Variants in HLCS observed in about 807,000 individuals in gnomAD.
HLCS encodes the protein biotin--protein ligase.
In HLCS, 53 loss-of-function variants were observed where a neutral mutation model predicts 75.0. The observed-to-expected ratio is 0.71, with a 90% CI of 0.57 to 0.89. HLCS has a LOEUF of 0.89. Among genes scored for constraint, HLCS ranks in the 40% least tolerant of loss-of-function variants. The probability of loss-of-function intolerance (pLI) is 0.00; values close to 1 mark genes in which losing one functional copy is unlikely to be tolerated. For synonymous variants in HLCS, 431 were observed against 428.6 expected (o/e 1.01, Z -0.07); for missense variants, 966 against 1,074.0 (o/e 0.90, Z 1.41).
intron 5 of HLCS, among the ~76,000 whole-genome samples, chr21:36,903,798 T>C (rs2065337748): frequency 6.6e-6 from 1 of 152,180 alleles, no homozygotes. Flanking sequence ...TTTGAATCTG[T>C]CCTCCAAATT....
intron 2 of HLCS, among the ~76,000 whole-genome samples, chr21:36,953,134 A>T (rs1034705418): frequency 6.6e-6 from 1 of 152,148 alleles, no homozygotes; most frequent in Non-Finnish European, 1.5e-5. Context: ...TTTTTTAGAG[A>T]TGAGGTTTCA....
rs754275804 is a variant in HLCS, at chr21:36,936,734, A to G, written c.1152T>C (p.Leu384=). Residue 384 remains leucine, a synonymous_variant, in exon 4 of 11, where the codon CTT becomes CTC. Transcript: ENST00000674895. Reference sequence around the variant, plus strand: ...GGCCCAACACCTTCCCTCCCTGAGAAAGATAGGCCATGAACTTCTGGTACA... The same window carrying G: ...GGCCCAACACCTTCCCTCCCTGAGAGAGATAGGCCATGAACTTCTGGTACA... ...EDLYQKFMAY[L]SQGGKVLGLS... 1.9e-6 allele frequency: 3 copies of G among 1,614,242 alleles called. No individual in the cohort carries two copies. Among genetic ancestry groups the G allele is most frequent in the South Asian group, 1.1e-5 (1 of 91,084 alleles).
chr21:36,863,651 A>G (rs1171077496), intron 6 of HLCS, among the ~76,000 whole-genome samples: 1 of 152,238 alleles, frequency 6.6e-6, no homozygotes, highest in Non-Finnish European at 1.5e-5. Flanking sequence ...CAGCAACCAC[A>G]TCTCTGGATA....
At chr21:36,925,553 A>G (rs1439289860) in intron 5 of HLCS, among the ~76,000 whole-genome samples, 2 of 152,088 alleles carry the variant, frequency 1.3e-5, no homozygotes, top group Non-Finnish European at 2.9e-5. Flanking sequence ...CGACCTTCCT[A>G]GGGGTGGCAC....
At chr21:36,797,429 A>T (rs1317934955) in intron 6 of HLCS, among the ~76,000 whole-genome samples, 1 of 151,876 alleles carries the variant, frequency 6.6e-6, no homozygotes, top group Non-Finnish European at 1.5e-5. Context: ...TAAAAATATA[A>T]TTTTTCTCCT....
chr21:36,896,172 A>C (rs955612828), intron 6 of HLCS, among the ~76,000 whole-genome samples: 19 of 152,222 alleles, frequency 1.2e-4, no homozygotes, highest in Non-Finnish European at 2.8e-4. Flanking sequence ...CAACATGGTG[A>C]AACCCTGTCT....
rs190070262 is a variant in HLCS at position 36,978,473 on chromosome 21, G to A, written c.-393+11685C>T. Among the ~76,000 whole-genome samples the A allele has an allele frequency of 1.1e-3, 166 of 150,460 alleles. 2 individuals are homozygous for A. The highest frequency in any genetic ancestry group is 3.8e-3 in the African/African-American group (154 of 40,944). On this transcript the variant is annotated intron_variant, in intron 1 of 11. Coordinates refer to the HLCS transcript ENST00000336648. ...TGTGCCACTGCACTCCAGCCTGGGC[G>A]ACAGAGCAAGACTCCCACCTCAAAC...
At chr21:36,879,602 T>G (rs1458044669) in intron 6 of HLCS, among the ~76,000 whole-genome samples, 1 of 152,062 alleles carries the variant, frequency 6.6e-6, no homozygotes, top group Non-Finnish European at 1.5e-5. Flanking sequence ...GACAGAACTA[T>G]CTCCAAGGTG....
chr21:36,892,261 G>C (rs1174384038), intron 6 of HLCS, among the ~76,000 whole-genome samples: 1 of 152,218 alleles, frequency 6.6e-6, no homozygotes, highest in Non-Finnish European at 1.5e-5. Flanking sequence ...CTCCGATGTG[G>C]TGCAGAGAAG....
At chr21:36,834,963 G>A (rs944632347) in intron 6 of HLCS, among the ~76,000 whole-genome samples, 1 of 152,162 alleles carries the variant, frequency 6.6e-6, no homozygotes, top group African/African-American at 2.4e-5. Flanking sequence ...AAGTGTGGGG[G>A]GTCAGGAGTT....
intron 2 of HLCS, among the ~76,000 whole-genome samples, chr21:36,942,243 C>T (rs762576886): frequency 1.3e-5 from 2 of 151,732 alleles, no homozygotes; most frequent in Non-Finnish European, 2.9e-5. Flanking sequence ...AAAAAAACCA[C>T]AGATAGAGAA....
chr21:36,890,265 C>A (rs1475885696), intron 6 of HLCS, among the ~76,000 whole-genome samples: 9 of 152,180 alleles, frequency 5.9e-5, no homozygotes, highest in South Asian at 2.1e-4. Flanking sequence ...ATACACATGG[C>A]ATCCAGAAGG....
At position 36,765,053 on chromosome 21, in the gene HLCS, C is replaced by T. The variant is rs200568347; in HGVS notation, c.2080G>A (p.Val694Met). 6.9e-5 allele frequency: 112 copies of T among 1,614,070 alleles called. No homozygotes were observed. The highest frequency in any genetic ancestry group is 1.6e-4 in the Middle Eastern group (1 of 6,084). ...GACCTCACTGCTTCCACGACAGCCA[C>T]GGACATCAGATGCTGGACAAACGGG... ...RIPFVQHLMS[V>M]AVVEAVRSIP... The change falls in exon 8 of 11, where the codon GTG (valine) becomes ATG (methionine). Residue 694 changes from valine to methionine, a missense_variant. Coordinates refer to ENST00000674895, the MANE Select transcript of HLCS (RefSeq NM_001352514.2).
At chr21:36,835,878 G>C (rs1390574109) in intron 6 of HLCS, among the ~76,000 whole-genome samples, 1 of 151,962 alleles carries the variant, frequency 6.6e-6, no homozygotes, top group East Asian at 1.9e-4. Context: ...GGGCCCTTTT[G>C]TGTGTTCTTA....
intron 5 of HLCS, among the ~76,000 whole-genome samples, chr21:36,897,612 C>G (rs1450977973): frequency 1.3e-5 from 2 of 152,224 alleles, no homozygotes; most frequent in African/African-American, 4.8e-5. Context: ...AGCCTCACAT[C>G]TTAGAGAATC....
At chr21:36,906,739 A>G (rs1308778024) in intron 5 of HLCS, among the ~76,000 whole-genome samples, 2 of 151,974 alleles carry the variant, frequency 1.3e-5, no homozygotes. Context: ...TAAATGGTCA[A>G]AACAATTTTG....
intron 6 of HLCS, among the ~76,000 whole-genome samples, chr21:36,827,078 C>T (rs532367877): frequency 9.3e-4 from 141 of 152,114 alleles, no homozygotes; most frequent in African/African-American, 3.4e-3. Context: ...ATGCTTAAGG[C>T]GGCCCAATAG....
intron 6 of HLCS, among the ~76,000 whole-genome samples, chr21:36,836,803 CG>C (rs1569080362): frequency 6.6e-6 from 1 of 151,892 alleles, no homozygotes; most frequent in African/African-American, 2.4e-5. Flanking sequence ...TTTTTTAAGG[CG>C]GTAAGTGTCA....
At chr21:36,911,357 G>A (rs574112790) in intron 5 of HLCS, among the ~76,000 whole-genome samples, 7 of 152,224 alleles carry the variant, frequency 4.6e-5, no homozygotes, top group East Asian at 3.9e-4. Context: ...CTGATGATGC[G>A]TCCTTCCAGT....
Sources: allele counts gnomAD v4.1 joint callset (sites outside exome capture counted in the v4.1 genomes callset), GRCh38; gene constraint gnomAD v4.1.1; transcripts MANE v1.5; gene names NCBI Gene and HGNC (gene_info 2026-07-23, HGNC 2026-07-21).